The following PTPRD variants were observed in gnomAD, a reference collection of about 807,000 sequenced individuals.
PTPRD encodes the protein receptor-type tyrosine-protein phosphatase delta.
A neutral mutation model predicts 214.5 loss-of-function variants in PTPRD; 34 were observed. The observed-to-expected ratio is 0.16, with a 90% confidence interval of 0.12 to 0.21. The LOEUF (loss-of-function observed/expected upper bound fraction) is 0.21. Ranked by LOEUF, PTPRD falls within the 10% of genes least tolerant of loss-of-function variation. The pLI, the probability that PTPRD is intolerant of heterozygous loss-of-function variation, is 1.00. For synonymous variants in PTPRD, 1,128 were observed against 845.7 expected (o/e 1.33, Z -5.79); for missense variants, 2,545 against 2,398.7 (o/e 1.06, Z -1.27).
intron 4 of PTPRD, among the ~76,000 whole-genome samples, chr9:9,971,588 G>A (rs2095105830): frequency 6.6e-6 from 1 of 152,266 alleles, no homozygotes; most frequent in Non-Finnish European, 1.5e-5. Context: ...ATTAATTTAT[G>A]TTGGATTCTG....
At chr9:10,412,627 C>G (rs1025005730) in intron 2 of PTPRD, among the ~76,000 whole-genome samples, 3 of 42,752 alleles carry the variant, frequency 7.0e-5, no homozygotes, top group African/African-American at 3.4e-4. Flanking sequence ...CGCACACACA[C>G]ACACAAACAC....
chr9:9,255,898 C>A (rs949335610), intron 9 of PTPRD, among the ~76,000 whole-genome samples: 1 of 151,976 alleles, frequency 6.6e-6, no homozygotes, highest in Non-Finnish European at 1.5e-5. Flanking sequence ...AATGTTCAAA[C>A]CTCTGATTCA....
At chr9:8,813,327 CA>C (rs1224359010) in intron 11 of PTPRD, among the ~76,000 whole-genome samples, 8 of 152,104 alleles carry the variant, frequency 5.3e-5, no homozygotes, top group Non-Finnish European at 1.2e-4. Context: ...AATAGCTTAT[CA>C]GAATTCAAAA....
chr9:8,434,384 A>C (rs1037967705), intron 35 of PTPRD, among the ~76,000 whole-genome samples: 1 of 152,216 alleles, frequency 6.6e-6, no homozygotes. Flanking sequence ...CCTAGAAGCA[A>C]TGGGCTATAC....
chr9:9,345,999 G>A (rs576918251), intron 9 of PTPRD, among the ~76,000 whole-genome samples: 1 of 152,170 alleles, frequency 6.6e-6, no homozygotes, highest in Admixed American at 6.5e-5. Flanking sequence ...GAAGATTTCA[G>A]GTGAAAGTAC....
At chr9:9,842,139 C>T (rs1020342270) in intron 5 of PTPRD, among the ~76,000 whole-genome samples, 1 of 151,690 alleles carries the variant, frequency 6.6e-6, no homozygotes, top group Non-Finnish European at 1.5e-5. Flanking sequence ...TGAGTGAAAA[C>T]TAAGAAGAAT....
intron 9 of PTPRD, among the ~76,000 whole-genome samples, chr9:9,204,806 G>C (rs182445308): frequency 2.6e-4 from 39 of 152,138 alleles, no homozygotes; most frequent in African/African-American, 9.1e-4. Context: ...TATTAAAAAT[G>C]ACCAAAAGAA....
intron 2 of PTPRD, among the ~76,000 whole-genome samples, chr9:10,564,100 A>T (rs1381269130): frequency 6.7e-6 from 1 of 148,176 alleles, no homozygotes; most frequent in Non-Finnish European, 1.5e-5. Context: ...CTGGGGCTCA[A>T]GTAATCCTCC....
At chr9:9,203,381 A>C (rs573421365) in intron 9 of PTPRD, among the ~76,000 whole-genome samples, 35 of 152,240 alleles carry the variant, frequency 2.3e-4, no homozygotes, top group Admixed American at 2.6e-4. Flanking sequence ...AACCTTACCC[A>C]TTGAATTGCA....
intron 12 of PTPRD, among the ~76,000 whole-genome samples, chr9:8,694,253 A>G (rs1230248052): frequency 1.3e-5 from 2 of 152,184 alleles, no homozygotes; most frequent in African/African-American, 4.8e-5. Context: ...GGAATGGGAG[A>G]TATGAATAGA....
At chr9:8,717,470 T>C (rs984167024) in intron 12 of PTPRD, among the ~76,000 whole-genome samples, 3 of 152,212 alleles carry the variant, frequency 2.0e-5, no homozygotes. Flanking sequence ...ACCCTCATTC[T>C]ATTTGACTTC....
chr9:10,118,355 CA>C (rs2098748097), intron 3 of PTPRD, among the ~76,000 whole-genome samples: 2 of 151,268 alleles, frequency 1.3e-5, no homozygotes, highest in Non-Finnish European at 3.0e-5. Context: ...ATCTTTTTGG[CA>C]ATCATGCCAA....
At chr9:8,559,856 TAGCTTCC>T (rs2085464230) in intron 14 of PTPRD, among the ~76,000 whole-genome samples, 2 of 152,218 alleles carry the variant, frequency 1.3e-5, no homozygotes, top group African/African-American at 4.8e-5. Context: ...TGTACATGGA[TAGCTTCC>T]AACTTCATAA....
chr9:9,650,395 C>A (rs1218299255), intron 7 of PTPRD, among the ~76,000 whole-genome samples: 1 of 152,160 alleles, frequency 6.6e-6, no homozygotes, highest in Non-Finnish European at 1.5e-5. Flanking sequence ...TTATGTTGAA[C>A]CAACCTTGTT....
At chr9:8,539,516 T>C (rs571754183) in intron 14 of PTPRD, among the ~76,000 whole-genome samples, 136 of 151,896 alleles carry the variant, frequency 9.0e-4, no homozygotes, top group African/African-American at 3.1e-3. Flanking sequence ...AAAATAATAA[T>C]AAAATATGTA....
chr9:10,531,526 T>G (rs1307793365), intron 2 of PTPRD, among the ~76,000 whole-genome samples: 3 of 152,174 alleles, frequency 2.0e-5, no homozygotes, highest in African/African-American at 7.2e-5. Flanking sequence ...AATATGGCAC[T>G]TTACCTTGAA....
intron 7 of PTPRD, among the ~76,000 whole-genome samples, chr9:9,616,646 C>A (rs10491608): frequency 6.6e-6 from 1 of 151,916 alleles, no homozygotes; most frequent in South Asian, 2.1e-4. Context: ...GGCTAAAACA[C>A]GGCTATATGA....
chr9:9,185,255 T>C (rs578227530), intron 9 of PTPRD, among the ~76,000 whole-genome samples: 1 of 152,172 alleles, frequency 6.6e-6, no homozygotes, highest in African/African-American at 2.4e-5. Context: ...ATGAAACAGC[T>C]TTTGAAGTCT....
chr9:8,706,220 A>T (rs2098204378), intron 12 of PTPRD, among the ~76,000 whole-genome samples: 1 of 152,220 alleles, frequency 6.6e-6, no homozygotes, highest in Non-Finnish European at 1.5e-5. Context: ...TCTTGATCAA[A>T]CCAAGCTTAC....
Sources: gnomAD v4.1 joint callset for allele counts (sites outside exome capture counted in the v4.1 genomes callset) on GRCh38, gnomAD v4.1.1 for gene constraint, MANE v1.5 for transcripts, NCBI Gene and HGNC (gene_info 2026-07-23, HGNC 2026-07-21) for gene names.